SDK1: variants seen among roughly 807,000 people sequenced by gnomAD.
SDK1 encodes sidekick cell adhesion molecule 1.
SDK1 carries 157 observed loss-of-function variants against 245.5 expected under a neutral mutation model. That is an observed-to-expected ratio of 0.64 (90% CI 0.56 to 0.73). The LOEUF (loss-of-function observed/expected upper bound fraction) is 0.73. Ranked by LOEUF, SDK1 falls within the 30% of genes least tolerant of loss-of-function variation. The pLI, the probability that SDK1 is intolerant of heterozygous loss-of-function variation, is 0.00. For missense variants in SDK1, 3,583 were observed against 3,002.3 expected (o/e 1.19, Z -4.52); for synonymous variants, 1,647 against 1,278.5 (o/e 1.29, Z -6.15).
chr7:4,109,448 G>C lies in SDK1; in HGVS notation c.3325-1215G>C, dbSNP rs113444620. 1.6e-4 allele frequency among the ~76,000 whole-genome samples: 25 copies of C among 152,306 alleles called. 1 individual carries two copies. The highest frequency in any genetic ancestry group is 5.3e-4 in the African/African-American group (22 of 41,560). On this transcript the variant is annotated intron_variant, in intron 22 of 44. Coordinates refer to ENST00000404826, the MANE Select transcript of SDK1 (RefSeq NM_152744.4). ...TTTCCTCTGCACACTTAGTGAGCAC[G>C]TTTCCTATCCTGTCATTTAAGCCAC...
At chr7:3,348,658 C>T (rs1780571193) in intron 1 of SDK1, among the ~76,000 whole-genome samples, 1 of 152,106 alleles carries the variant, frequency 6.6e-6, no homozygotes, top group African/African-American at 2.4e-5. Context: ...CATTTAGTAT[C>T]CCCATGTAAC....
At chr7:4,181,185 G>A (rs1328572378) in intron 35 of SDK1, among the ~76,000 whole-genome samples, 1 of 152,348 alleles carries the variant, frequency 6.6e-6, no homozygotes, top group South Asian at 2.1e-4. Flanking sequence ...TACAAATGGA[G>A]TCGTGCAGTG....
intron 38 of SDK1, among the ~76,000 whole-genome samples, chr7:4,210,718 C>T (rs1472156260): frequency 6.6e-6 from 1 of 152,224 alleles, no homozygotes; most frequent in African/African-American, 2.4e-5. Context: ...ATGCTGGAAT[C>T]GAGGACCTGG....
intron 5 of SDK1, among the ~76,000 whole-genome samples, chr7:3,911,571 C>T (rs1562530740): frequency 6.6e-6 from 1 of 152,172 alleles, no homozygotes; most frequent in Non-Finnish European, 1.5e-5. Context: ...TTCTCCTCCC[C>T]AGAGCTCCAC....
Position 4,267,349 on chromosome 7 carries a change from T to G in SDK1, c.*1965T>G. 1 of 980,996 alleles carries G rather than the reference T, an allele frequency of 1.0e-6. No homozygotes were observed. Among genetic ancestry groups the G allele is most frequent in the Non-Finnish European group, 1.2e-6 (1 of 826,830 alleles). The allele number at this position is 980,996 out of a possible 1,614,324, so 60.8% of individuals were successfully genotyped here. ...CTCTCTCCCCTATTCCTTCTTCCTT[T>G]TCTCCTCCTTTTTCTGAGTGGAGGG... On this transcript the variant is annotated 3_prime_UTR_variant, in exon 45 of 45. Coordinates refer to ENST00000404826, the MANE Select transcript of SDK1 (RefSeq NM_152744.4).
intron 23 of SDK1, among the ~76,000 whole-genome samples, chr7:4,112,029 C>A (rs1783383383): frequency 6.6e-6 from 1 of 152,200 alleles, no homozygotes; most frequent in African/African-American, 2.4e-5. Context: ...AGTTACCTGA[C>A]AAAGTTTATT....
chr7:3,736,566 C>T (rs1333865519), intron 4 of SDK1, among the ~76,000 whole-genome samples: 2 of 152,188 alleles, frequency 1.3e-5, no homozygotes, highest in Non-Finnish European at 2.9e-5. Flanking sequence ...GCCACCATGC[C>T]CGGCCACATT....
intron 14 of SDK1, among the ~76,000 whole-genome samples, chr7:4,003,811 G>A (rs1223234166): frequency 1.3e-5 from 2 of 152,240 alleles, no homozygotes; most frequent in Non-Finnish European, 2.9e-5. Context: ...AGTGTCTAGA[G>A]AGACAGTCTG....
At chr7:3,743,156 C>A (rs1398385617) in intron 4 of SDK1, among the ~76,000 whole-genome samples, 1 of 152,140 alleles carries the variant, frequency 6.6e-6, no homozygotes, top group Non-Finnish European at 1.5e-5. Context: ...AGCAGACCAA[C>A]TGATGGGAAA....
intron 4 of SDK1, among the ~76,000 whole-genome samples, chr7:3,779,318 A>C (rs1276300224): frequency 1.3e-5 from 2 of 152,138 alleles, no homozygotes; most frequent in Non-Finnish European, 2.9e-5. Flanking sequence ...CCCATTCTTG[A>C]GTGGATAAGA....
At chr7:3,940,697 T>G (rs1780330100) in intron 5 of SDK1, among the ~76,000 whole-genome samples, 1 of 152,056 alleles carries the variant, frequency 6.6e-6, no homozygotes, top group Non-Finnish European at 1.5e-5. Context: ...GGCAGGCGCC[T>G]GTAATCCCAG....
At chr7:3,478,626 G>A (rs1427838038) in intron 1 of SDK1, among the ~76,000 whole-genome samples, 1 of 151,932 alleles carries the variant, frequency 6.6e-6, no homozygotes, top group African/African-American at 2.4e-5. Flanking sequence ...GTTGCTGGAG[G>A]TTTATTGATT....
chr7:4,180,575 G>A (rs879494192), intron 35 of SDK1, among the ~76,000 whole-genome samples: 3 of 152,240 alleles, frequency 2.0e-5, no homozygotes, highest in Non-Finnish European at 4.4e-5. Flanking sequence ...TAGGGTCTGC[G>A]CTGTTGGTGT....
chr7:3,935,565 G>C (rs190268349), intron 5 of SDK1, among the ~76,000 whole-genome samples: 1 of 152,188 alleles, frequency 6.6e-6, no homozygotes, highest in East Asian at 1.9e-4. Flanking sequence ...AATGGGCAAA[G>C]AACTGGAATA....
At chr7:3,597,335 T>C (rs1430018694) in intron 1 of SDK1, among the ~76,000 whole-genome samples, 1 of 151,836 alleles carries the variant, frequency 6.6e-6, no homozygotes, top group Non-Finnish European at 1.5e-5. Flanking sequence ...TACAGTTCAC[T>C]TTGTACTGAG....
intron 1 of SDK1, among the ~76,000 whole-genome samples, chr7:3,525,762 T>C (rs1783106915): frequency 6.6e-6 from 1 of 152,160 alleles, no homozygotes; most frequent in Non-Finnish European, 1.5e-5. Context: ...CATTGTAAAA[T>C]ATTTCTTCTT....
At chr7:3,990,814 C>T (rs761978369) in intron 14 of SDK1, among the ~76,000 whole-genome samples, 5 of 152,344 alleles carry the variant, frequency 3.3e-5, no homozygotes, top group Middle Eastern at 6.8e-3. Context: ...TACCTTCCCC[C>T]GTTTCCATGA....
chr7:4,174,494 A>G (rs1438339272), intron 33 of SDK1, 137 bp downstream of exon 33: 3 of 1,024,172 alleles, frequency 2.9e-6, no homozygotes, highest in East Asian at 2.4e-5. Context: ...AGGAACAGGG[A>G]GCAGGCGGGT....
At chr7:3,888,455 T>C (rs899825453) in intron 5 of SDK1, among the ~76,000 whole-genome samples, 2 of 152,222 alleles carry the variant, frequency 1.3e-5, no homozygotes, top group Non-Finnish European at 2.9e-5. Context: ...CAGAGTGGAT[T>C]CACAGAGGCC....
Sources: allele counts gnomAD v4.1 joint callset (sites outside exome capture counted in the v4.1 genomes callset), GRCh38; gene constraint gnomAD v4.1.1; transcripts MANE v1.5; gene names NCBI Gene and HGNC (gene_info 2026-07-23, HGNC 2026-07-21).